The following FAAH variants were observed in gnomAD, a reference collection of about 807,000 sequenced individuals.
The protein encoded by FAAH is fatty acid amide hydrolase, also known as fatty-acid amide hydrolase 1.
In FAAH, 63 loss-of-function variants were observed where a neutral mutation model predicts 69.7. The observed-to-expected ratio is 0.90, with a 90% CI of 0.74 to 1.12. The LOEUF (loss-of-function observed/expected upper bound fraction) is 1.12, where lower values mean the gene tolerates loss of function less well. FAAH is among the 50% of genes most tolerant of loss of function. FAAH has a pLI of 0.00. For synonymous variants in FAAH, 305 were observed against 324.2 expected (o/e 0.94, Z 0.64); for missense variants, 680 against 755.0 (o/e 0.90, Z 1.16).
chr1:46,395,096 A>C (rs1664573911), intron 1 of FAAH, among the ~76,000 whole-genome samples: 1 of 152,288 alleles, frequency 6.6e-6, no homozygotes, highest in East Asian at 1.9e-4. Flanking sequence ...GCCCGCCACT[A>C]CGCCTGGCTA....
Position 46,406,750 on chromosome 1 carries a change from C to T in FAAH, c.951+382C>T, listed in dbSNP as rs370142136. 6.4e-4 allele frequency among the ~76,000 whole-genome samples: 97 copies of T among 151,636 alleles called. 4 individuals are homozygous for T. The South Asian group carries it at 0.018, about 29-fold the overall frequency. On this transcript the variant is annotated intron_variant, in intron 7 of 14. Transcript: ENST00000243167. ...CCGAGTAGCTGGGACTACAGGCGCC[C>T]GGCACCACGCCCGGCTAATTTTTTT... is the stretch of plus-strand genomic sequence containing the variant.
chr1:46,394,454 A>T lies in FAAH; in HGVS notation c.106A>T (p.Thr36Ser). Residue 36 changes from threonine (T) to serine (S), a missense_variant, in exon 1 of 15, where the codon ACG (threonine) becomes TCG (serine). Transcript: ENST00000243167. Reference sequence around the variant, plus strand: ...GGCCCTGCGCTGGTCCGGGCGCCGGACGGCGCGGGGCGCGGTGGTCCGGGC... The same window carrying T: ...GGCCCTGCGCTGGTCCGGGCGCCGGTCGGCGCGGGGCGCGGTGGTCCGGGC... ...AVALRWSGRRTARGAVVRARQ... is the reference protein window; with the variant it reads ...AVALRWSGRRSARGAVVRARQ... 2 of 1,377,542 alleles carry T rather than the reference A, an allele frequency of 1.5e-6. No homozygotes were observed. Among genetic ancestry groups the T allele is most frequent in the South Asian group, 1.7e-5 (1 of 57,924 alleles). 85.3% of individuals were successfully genotyped at this position (1,377,542 alleles called of 1,614,324 possible).
At position 46,412,157 on chromosome 1, in the gene FAAH, C is replaced by T. The variant is rs561716200; in HGVS notation, c.1371C>T (p.Thr457=). ...GTCCTCCGCAGGTGTACCGCAAAACCGTGATTGCCCAGTGGAGGGCGCTGG... is the reference window on the plus strand; with the variant it reads ...GTCCTCCGCAGGTGTACCGCAAAACTGTGATTGCCCAGTGGAGGGCGCTGG... The part of the protein sequence containing the change: ...LQHEIEVYRK[T]VIAQWRALDL... Residue 457 remains threonine, a synonymous_variant, in exon 13 of 15, where the codon ACC becomes ACT. Coordinates refer to ENST00000243167, the MANE Select transcript of FAAH (RefSeq NM_001441.3). The T allele has an allele frequency of 3.7e-5, 57 of 1,560,888 alleles. No homozygotes were observed. The East Asian group carries it at 4.8e-4, about 13-fold the overall frequency.
chr1:46,408,997 G>T, intron 8 of FAAH, 104 bp from the exon 9 acceptor site: 1 of 888,216 alleles, frequency 1.1e-6, no homozygotes, highest in East Asian at 2.5e-5. Flanking sequence ...GAGCTATCTT[G>T]TGGGCAGGGT....
rs767256464 is a variant in FAAH, at chr1:46,408,530, C to T, written c.1023C>T (p.Ala341=). 1 of 1,614,198 alleles carries T rather than the reference C, an allele frequency of 6.2e-7. No individual in the cohort carries two copies. The highest frequency in any genetic ancestry group is 2.2e-5 in the East Asian group (1 of 44,882). The change falls in exon 8 of 15, where the codon GCC becomes GCT. Residue 341 remains alanine, a synonymous_variant. Coordinates refer to ENST00000243167, the MANE Select transcript of FAAH (RefSeq NM_001441.3). The part of the protein sequence containing the change: ...ETDNYTMPSP[A]MRRAVLETKQ... ...ACAACTATACCATGCCCTCCCCGGC[C>T]ATGAGGCGGGCCGTGCTGGAGACCA...
Position 46,408,962 on chromosome 1 carries a change from A to G in FAAH, c.1078-139A>G, listed in dbSNP as rs1330124030. 4.0e-6 allele frequency: 3 copies of G among 749,618 alleles called. No individual in the cohort carries two copies. The African/African-American group carries it at 5.2e-5, about 13-fold the overall frequency. The allele number at this position is 749,618 out of a possible 1,614,324, so 46.4% of individuals were successfully genotyped here. ...CCACAGTGAGTTTTCATGGGTCAGT[A>G]AGGCTGCCTTTGTAGCTCTAGTGAG... On this transcript the variant is annotated intron_variant, in intron 8 of 14. Transcript: ENST00000243167.
chr1:46,402,958 G>A (rs2148447539), intron 2 of FAAH, among the ~76,000 whole-genome samples: 1 of 152,232 alleles, frequency 6.6e-6, no homozygotes, highest in African/African-American at 2.4e-5. Flanking sequence ...CTCCCAAAGT[G>A]CTGGGGTTAC....
In FAAH at chr1:46,404,598, T is replaced by G. The variant is rs1569814142; in HGVS notation, c.310-416T>G. Among the ~76,000 whole-genome samples, 1 of 152,334 alleles carries G rather than the reference T, an allele frequency of 6.6e-6. No homozygotes were observed. The highest frequency in any genetic ancestry group is 1.9e-4 in the East Asian group (1 of 5,180). On this transcript the variant is annotated intron_variant, in intron 2 of 14. Coordinates refer to ENST00000243167, the MANE Select transcript of FAAH (RefSeq NM_001441.3). This position sits in a 1 kb window ranked among gnomAD's most constrained non-coding sequence, Gnocchi z 4.5. ...GTCTGGTCTAGTCCTGCTCTGTGGT[T>G]GCCCTTCAGTGTGACCAGTGATGGG...
intron 1 of FAAH, among the ~76,000 whole-genome samples, chr1:46,394,791 G>C (rs1034648973): frequency 1.3e-5 from 2 of 152,238 alleles, no homozygotes; most frequent in African/African-American, 2.4e-5. Context: ...GAGGAGTTTT[G>C]CTTTGTGCCA....
chr1:46,408,341 C>T lies in FAAH; in HGVS notation c.952-118C>T. ...AGGGTCAGATGCAGAAGGGGCTGGC[C>T]TCGCTGACTGCAGCCTCGCAGCTGT... On this transcript the variant is annotated intron_variant, in intron 7 of 14. Transcript: ENST00000243167. 2.2e-6 allele frequency: 3 copies of T among 1,393,524 alleles called. No individual in the cohort carries two copies. In the South Asian group the frequency reaches 3.5e-5, roughly 16 times the overall value. 86.3% of individuals were successfully genotyped at this position (1,393,524 alleles called of 1,614,324 possible). A position where few individuals can be genotyped will look rare whatever the true frequency, so the allele number is the denominator to read the frequency against.
Position 46,410,326 on chromosome 1 carries a change from C to A in FAAH, c.1176-72C>A. 8.4e-7 allele frequency: 1 copy of A among 1,187,284 alleles called. No individual in the cohort carries two copies. Among genetic ancestry groups the A allele is most frequent in the Non-Finnish European group, 1.3e-6 (1 of 791,418 alleles). The allele number at this position is 1,187,284 out of a possible 1,614,324, so 73.5% of individuals were successfully genotyped here. A position where few individuals can be genotyped will look rare whatever the true frequency, so the allele number is the denominator to read the frequency against. On this transcript the variant is annotated intron_variant, in intron 9 of 14. Coordinates refer to ENST00000243167, the MANE Select transcript of FAAH (RefSeq NM_001441.3). The surrounding 1 kb of genome is among the most constrained non-coding windows in gnomAD (Gnocchi z 4.9). ...GATCCCTGCATAGAGAATGGGATTG[C>A]TGTGGGCCGGGCGAGCAAGCTGGGA...
intron 1 of FAAH, among the ~76,000 whole-genome samples, 167 bp downstream of exon 1, chr1:46,394,710 G>C (rs1482112722): frequency 6.6e-6 from 1 of 152,264 alleles, no homozygotes; most frequent in Admixed American, 6.5e-5. Flanking sequence ...GAGCCAGGTA[G>C]AGCACGGGGG....
In FAAH at chr1:46,404,771, G is replaced by A. The variant is rs189534487; in HGVS notation, c.310-243G>A. Among the ~76,000 whole-genome samples the A allele has an allele frequency of 1.1e-4, 16 of 152,278 alleles. No individual in the cohort carries two copies. The highest frequency in any genetic ancestry group is 3.4e-3 in the Middle Eastern group (1 of 294). On this transcript the variant is annotated intron_variant, in intron 2 of 14. Transcript: ENST00000243167. This position sits in a 1 kb window ranked among gnomAD's most constrained non-coding sequence, Gnocchi z 4.5. ...AGTATCTTGCTCCCTTGAGTGTCCCGGTTGTGCCCTGGTCCTGGTTGAAGG... is the reference window on the plus strand; with the variant it reads ...AGTATCTTGCTCCCTTGAGTGTCCCAGTTGTGCCCTGGTCCTGGTTGAAGG...
chr1:46,397,970 G>A (rs1161644216), intron 1 of FAAH, among the ~76,000 whole-genome samples: 5 of 103,830 alleles, frequency 4.8e-5, no homozygotes, highest in African/African-American at 2.0e-4. Context: ...GTCTCACTTT[G>A]TTGCCCCAGC....
At position 46,411,848 on chromosome 1, in the gene FAAH, C is replaced by G. The variant is rs1664921494; in HGVS notation, c.1356+197C>G. ...TTGCCTAGATGCCCATCCTTTGAGGCTGGGTCAGCCCCAGGCTCCTGTCCT... is the reference window on the plus strand; with the variant it reads ...TTGCCTAGATGCCCATCCTTTGAGGGTGGGTCAGCCCCAGGCTCCTGTCCT... On this transcript the variant is annotated intron_variant, in intron 12 of 14. Transcript: ENST00000243167. The surrounding 1 kb of genome is among the most constrained non-coding windows in gnomAD (Gnocchi z 4.8). 6.6e-6 allele frequency among the ~76,000 whole-genome samples: 1 copy of G among 152,244 alleles called. No individual in the cohort carries two copies. The highest frequency in any genetic ancestry group is 2.1e-4 in the South Asian group (1 of 4,836).
At chr1:46,403,886 T>C (rs1308179663) in intron 2 of FAAH, among the ~76,000 whole-genome samples, 1 of 152,240 alleles carries the variant, frequency 6.6e-6, no homozygotes, top group Non-Finnish European at 1.5e-5. Flanking sequence ...GTGCTCAACA[T>C]GTTGCATTTC....
In FAAH at chr1:46,413,083, A is replaced by G; in HGVS notation, c.1474A>G (p.Ser492Gly). 1.2e-6 allele frequency: 2 copies of G among 1,614,184 alleles called. No homozygotes were observed. The highest frequency in any genetic ancestry group is 1.7e-6 in the Non-Finnish European group (2 of 1,180,002). The change falls in exon 14 of 15, where the codon AGC becomes GGC. Residue 492 changes from serine (S) to glycine (G), a missense_variant. Transcript: ENST00000243167. Reference sequence around the variant, plus strand: ...CCTGTAATGTGTTCCAGGGGCCGTCAGCTACACTATGCTGTACAACTGCCT... The same window carrying G: ...CCTGTAATGTGTTCCAGGGGCCGTCGGCTACACTATGCTGTACAACTGCCT... ...NAPGRATGAV[S>G]YTMLYNCLDF...
chr1:46,413,355 G>A (rs41294524), intron 14 of FAAH, 92 bp from the exon 15 acceptor site: 45,281 of 1,610,130 alleles, frequency 0.028, 778 homozygotes, highest in Middle Eastern at 0.035. Context: ...CTGGCCCTAC[G>A]TTGTGGCCTC....
At chr1:46,413,255 C>T (rs753601683) in intron 14 of FAAH, 35 bp downstream of exon 14, 11 of 1,613,782 alleles carry the variant, frequency 6.8e-6, no homozygotes, top group Non-Finnish European at 8.5e-6. Context: ...TGGACTCACT[C>T]CCCACCCTGA....
Sources: gnomAD v4.1 joint callset for allele counts (sites outside exome capture counted in the v4.1 genomes callset) on GRCh38, gnomAD v4.1.1 for gene constraint, Gnocchi (gnomAD v3.1) non-coding constraint, MANE v1.5 for transcripts, NCBI Gene and HGNC (gene_info 2026-07-23, HGNC 2026-07-21) for gene names.